The following CDH23 variants were observed in gnomAD, a reference collection of about 807,000 sequenced individuals.
The protein encoded by CDH23 is cadherin related 23, also known as cadherin-23.
In CDH23, 189 loss-of-function variants were observed where a neutral mutation model predicts 317.1. That is an observed-to-expected ratio of 0.60 (90% CI 0.53 to 0.67). The LOEUF is 0.67. Among genes scored for constraint, CDH23 ranks in the 30% least tolerant of loss-of-function variants. The pLI is 0.00. For missense variants in CDH23, 4,401 were observed against 4,592.4 expected, an observed-to-expected ratio of 0.96 and a Z score of 1.20; for synonymous variants, 1,839 against 1,876.8, an observed-to-expected ratio of 0.98 and a Z score of 0.52.
chr10:71,424,231 G>A (rs538028992), intron 1 of CDH23, among the ~76,000 whole-genome samples: 1 of 152,336 alleles, frequency 6.6e-6, no homozygotes, highest in Non-Finnish European at 1.5e-5. Context: ...TGGTTCCCAG[G>A]TAGACTTGTC....
At chr10:71,528,060 T>C (rs1483271527) in intron 6 of CDH23, among the ~76,000 whole-genome samples, 1 of 152,158 alleles carries the variant, frequency 6.6e-6, no homozygotes, top group African/African-American at 2.4e-5. Flanking sequence ...TGGTCAGTGT[T>C]ATAAGAAACA....
Position 71,815,637 on chromosome 10 carries a change from C to T in CDH23, c.*359C>T, listed in dbSNP as rs1385976348. Reference sequence around the variant, plus strand: ...GCCCTCCTCCCTCCCAGCTCCACCCCGCAAGCACCATCCCCTCCGGCTAAG... The same window carrying T: ...GCCCTCCTCCCTCCCAGCTCCACCCTGCAAGCACCATCCCCTCCGGCTAAG... On this transcript the variant is annotated 3_prime_UTR_variant, in exon 70 of 70. Transcript: ENST00000224721. The T allele has an allele frequency of 3.1e-5, 6 of 192,156 alleles. No individual in the cohort carries two copies. The highest frequency in any genetic ancestry group is 4.7e-5 in the African/African-American group (2 of 42,908). The allele number at this position is 192,156 out of a possible 1,614,324, so 11.9% of individuals were successfully genotyped here.
At chr10:71,524,800 A>G (rs1380710348) in intron 6 of CDH23, among the ~76,000 whole-genome samples, 1 of 152,208 alleles carries the variant, frequency 6.6e-6, no homozygotes, top group Non-Finnish European at 1.5e-5. Context: ...GAGGAAGAGG[A>G]CAGGAGCCAA....
At position 71,751,971 on chromosome 10, in the gene CDH23, C is replaced by A; in HGVS notation, c.4845+10050C>A. On this transcript the variant is annotated intron_variant, in intron 38 of 69. Coordinates refer to ENST00000224721, the MANE Select transcript of CDH23 (RefSeq NM_022124.6). The surrounding 1 kb of genome is among the most constrained non-coding windows in gnomAD (Gnocchi z 4.9). ...CTTTCTCTCACCTACATCCCCATCC[C>A]CAAGCCTCAGCAGCATCTCCAAGCA... The A allele has an allele frequency of 8.4e-7, 1 of 1,192,704 alleles. No homozygotes were observed. Among genetic ancestry groups the A allele is most frequent in the Non-Finnish European group, 1.2e-6 (1 of 833,636 alleles). 73.9% of individuals were successfully genotyped at this position (1,192,704 alleles called of 1,614,324 possible). A position where few individuals can be genotyped will look rare whatever the true frequency, so the allele number is the denominator to read the frequency against.
rs915487311 is a variant in CDH23, at chr10:71,690,591, C to G, written c.2176+7C>G. 4.5e-6 allele frequency: 7 copies of G among 1,569,268 alleles called. No homozygotes were observed. Among genetic ancestry groups the G allele is most frequent in the South Asian group, 2.3e-5 (2 of 85,652 alleles). Reference sequence around the variant, plus strand: ...CGGATCAATGCCCGCTCAGGTGAGCCCCCCCACCCCAAGTACCCTGGTCCT... The same window carrying G: ...CGGATCAATGCCCGCTCAGGTGAGCGCCCCCACCCCAAGTACCCTGGTCCT... On this transcript the variant is annotated splice_region_variant and intron_variant, in intron 20 of 69. Coordinates refer to ENST00000224721, the MANE Select transcript of CDH23 (RefSeq NM_022124.6).
At chr10:71,784,853 TCTTC>T (rs1841055530) in intron 42 of CDH23, 34 bp from the exon 43 acceptor site, 1 of 1,567,776 alleles carries the variant, frequency 6.4e-7, no homozygotes, top group South Asian at 1.1e-5. Flanking sequence ...CATCTGTCGC[TCTTC>T]CTCCCCTCCC....
At chr10:71,651,942 A>T (rs1379483354) in intron 14 of CDH23, among the ~76,000 whole-genome samples, 2 of 152,164 alleles carry the variant, frequency 1.3e-5, no homozygotes, top group African/African-American at 4.8e-5. Context: ...CGAAGTGCTG[A>T]GGAAGGGTGG....
intron 14 of CDH23, among the ~76,000 whole-genome samples, chr10:71,649,919 G>T (rs1175859411): frequency 6.6e-6 from 1 of 152,150 alleles, no homozygotes; most frequent in Non-Finnish European, 1.5e-5. Flanking sequence ...AGGGCCCCAG[G>T]GCTAGTAAGT....
At chr10:71,568,015 C>T (rs1395912060) in intron 7 of CDH23, among the ~76,000 whole-genome samples, 1 of 152,216 alleles carries the variant, frequency 6.6e-6, no homozygotes, top group Non-Finnish European at 1.5e-5. Context: ...ATCCAAGGCT[C>T]TGGATCTGGA....
Position 71,799,567 on chromosome 10 carries a change from T to C in CDH23, c.7300T>C (p.Phe2434Leu). 1 of 1,614,030 alleles carries C rather than the reference T, an allele frequency of 6.2e-7. No homozygotes were observed. The highest frequency in any genetic ancestry group is 2.2e-5 in the East Asian group (1 of 44,880). Reference sequence around the variant, plus strand: ...TGCCACTGATGCTGACTCAGGCAACTTTGCACTCATTGAGTACAGCCTTGG... The same window carrying C: ...TGCCACTGATGCTGACTCAGGCAACCTTGCACTCATTGAGTACAGCCTTGG... ...VTATDADSGN[F>L]ALIEYSLGDG... Residue 2434 changes from phenylalanine to leucine, a missense_variant, in exon 52 of 70, where the codon TTT (phenylalanine) becomes CTT (leucine). Transcript: ENST00000224721.
chr10:71,773,480 G>C, intron 38 of CDH23: 1 of 1,553,616 alleles, frequency 6.4e-7, no homozygotes, highest in South Asian at 1.2e-5. Context: ...GTGCCGGGGA[G>C]CGGGCGGGAC....
intron 1 of CDH23, among the ~76,000 whole-genome samples, chr10:71,432,297 T>TGTGA (rs1554823832): frequency 0.013 from 1,878 of 147,978 alleles, 73 homozygotes; most frequent in East Asian, 0.11. Context: ...AGTGTGTGTG[T>TGTGA]GAGTGTGTGA....
chr10:71,550,183 G>A (rs1856502562), intron 6 of CDH23, among the ~76,000 whole-genome samples: 1 of 152,222 alleles, frequency 6.6e-6, no homozygotes, highest in South Asian at 2.1e-4. Context: ...CTGTTGTGAG[G>A]GCTGAAGAGG....
At chr10:71,609,993 T>A (rs141231501) in intron 9 of CDH23, among the ~76,000 whole-genome samples, 8,417 of 137,454 alleles carry the variant, frequency 0.061, 403 homozygotes, top group East Asian at 0.25. Context: ...TGTGTGTGTG[T>A]GTGAGAGAGA....
At chr10:71,462,531 G>A (rs1387680642) in intron 3 of CDH23, among the ~76,000 whole-genome samples, 1 of 152,222 alleles carries the variant, frequency 6.6e-6, no homozygotes, top group African/African-American at 2.4e-5. Context: ...TGACGTGAGA[G>A]GCCATGTGCC....
chr10:71,586,516 G>A (rs1170291211), intron 9 of CDH23, among the ~76,000 whole-genome samples: 2 of 151,976 alleles, frequency 1.3e-5, no homozygotes, highest in Non-Finnish European at 2.9e-5. Context: ...TAATATTGTG[G>A]ATGCCTGTGA....
chr10:71,497,600 C>T (rs1395106908), intron 3 of CDH23, among the ~76,000 whole-genome samples: 1 of 152,218 alleles, frequency 6.6e-6, no homozygotes, highest in Non-Finnish European at 1.5e-5. Context: ...CCCTTGGGAG[C>T]CGGGTTGGGT....
chr10:71,519,272 G>A (rs1854521438), intron 6 of CDH23, among the ~76,000 whole-genome samples: 1 of 152,174 alleles, frequency 6.6e-6, no homozygotes, highest in Non-Finnish European at 1.5e-5. Context: ...TAAATGGAAG[G>A]AGATGATAGC....
chr10:71,516,599 G>A (rs1854345314), intron 6 of CDH23, among the ~76,000 whole-genome samples: 1 of 152,164 alleles, frequency 6.6e-6, no homozygotes, highest in Non-Finnish European at 1.5e-5. Flanking sequence ...GTTGTTGTTG[G>A]TTTCCTGTGT....
Sources: gnomAD v4.1 joint callset for allele counts (sites outside exome capture counted in the v4.1 genomes callset) on GRCh38, gnomAD v4.1.1 for gene constraint, Gnocchi (gnomAD v3.1) non-coding constraint, MANE v1.5 for transcripts, NCBI Gene and HGNC (gene_info 2026-07-23, HGNC 2026-07-21) for gene names.